SGCD: variants seen among roughly 807,000 people sequenced by gnomAD.
The protein encoded by SGCD is sarcoglycan delta.
Under a neutral mutation model 36.6 loss-of-function variants are expected in SGCD, and 18 were observed. The ratio of observed to expected loss-of-function variants is 0.49; its 90% CI spans 0.34 to 0.73. The LOEUF (loss-of-function observed/expected upper bound fraction) is 0.73. SGCD is among the 30% of genes least tolerant of loss of function. The probability of loss-of-function intolerance (pLI) is 0.01; values close to 1 mark genes in which losing one functional copy is unlikely to be tolerated. For synonymous variants in SGCD, 133 were observed against 130.6 expected (o/e 1.02, Z -0.12); for missense variants, 387 against 346.7 (o/e 1.12, Z -0.92).
intron 3 of SGCD, among the ~76,000 whole-genome samples, chr5:156,183,880 A>G (rs1274065064): frequency 1.3e-5 from 2 of 152,246 alleles, no homozygotes; most frequent in Non-Finnish European, 1.5e-5. Context: ...GCTAACTATG[A>G]AAAATCAAGA....
At chr5:156,624,197 A>G (rs1480675349) in intron 6 of SGCD, among the ~76,000 whole-genome samples, 1 of 152,078 alleles carries the variant, frequency 6.6e-6, no homozygotes, top group African/African-American at 2.4e-5. Flanking sequence ...TTAGTTCTTG[A>G]AGGATTTCAG....
chr5:156,189,524 C>A (rs1763839608), intron 3 of SGCD, among the ~76,000 whole-genome samples: 1 of 152,086 alleles, frequency 6.6e-6, no homozygotes. Context: ...TTAAGATAAT[C>A]TCTTTTGTAA....
intron 7 of SGCD, among the ~76,000 whole-genome samples, chr5:156,684,289 A>T (rs1581394769): frequency 1.3e-5 from 2 of 152,060 alleles, no homozygotes; most frequent in East Asian, 3.9e-4. Context: ...TGAGGATGCT[A>T]TGACAAGAAA....
At chr5:155,907,800 G>A (rs1486205490) in intron 1 of SGCD, among the ~76,000 whole-genome samples, 1 of 152,128 alleles carries the variant, frequency 6.6e-6, no homozygotes, top group East Asian at 1.9e-4. Flanking sequence ...ATTTAGAATG[G>A]TACAGAAACT....
rs138048366 is a variant in SGCD, at chr5:156,403,946, G to T, written c.192+59269G>T. On this transcript the variant is annotated intron_variant, in intron 3 of 8. Coordinates refer to ENST00000337851, the MANE Select transcript of SGCD (RefSeq NM_000337.6). ...CCTCCCAGGTTTAAGCAATTCTCTTGCCTCAGCTCCTCGAATAGCTGGGAT... is the reference window on the plus strand; with the variant it reads ...CCTCCCAGGTTTAAGCAATTCTCTTTCCTCAGCTCCTCGAATAGCTGGGAT... Among the ~76,000 whole-genome samples, 540 of 151,682 alleles carry T rather than the reference G, an allele frequency of 3.6e-3. 3 individuals carry two copies. The highest frequency in any genetic ancestry group is 0.014 in the Middle Eastern group (4 of 292).
At chr5:155,815,528 G>A in the SGCD span, among the ~76,000 whole-genome samples, 6 of 152,200 alleles carry the variant, frequency 3.9e-5, no homozygotes, top group Non-Finnish European at 8.8e-5. Context: ...CCTGAGACTG[G>A]ATAATTTATA....
chr5:156,283,992 T>C (rs1026633799), intron 3 of SGCD, among the ~76,000 whole-genome samples: 1 of 152,194 alleles, frequency 6.6e-6, no homozygotes, highest in South Asian at 2.1e-4. Context: ...TGTATGTACA[T>C]GGGTAACTTC....
chr5:156,544,375 T>C (rs1446057322), intron 4 of SGCD, among the ~76,000 whole-genome samples: 1 of 152,148 alleles, frequency 6.6e-6, no homozygotes, highest in East Asian at 1.9e-4. Context: ...AACTGCCAGA[T>C]TGTGAAATTT....
At chr5:155,738,785 T>G in the SGCD span, among the ~76,000 whole-genome samples, 1 of 145,266 alleles carries the variant, frequency 6.9e-6, no homozygotes, top group South Asian at 2.2e-4. Context: ...AGAATGTGTG[T>G]GAGTGTGCAT....
chr5:156,418,975 C>T (rs1393927410), intron 3 of SGCD, among the ~76,000 whole-genome samples: 2 of 152,130 alleles, frequency 1.3e-5, no homozygotes, highest in Non-Finnish European at 2.9e-5. Context: ...CATTATGGCT[C>T]TAGACATATA....
the SGCD span, among the ~76,000 whole-genome samples, chr5:155,745,165 A>C: frequency 2.6e-5 from 4 of 152,364 alleles, no homozygotes; most frequent in East Asian, 7.7e-4. Context: ...ATTTCCACAG[A>C]AAGAAATCTT....
At chr5:155,763,314 G>A in the SGCD span, among the ~76,000 whole-genome samples, 2 of 152,098 alleles carry the variant, frequency 1.3e-5, no homozygotes, top group African/African-American at 4.8e-5. Flanking sequence ...GGAGACAGAA[G>A]GTGAGAGGGC....
intron 4 of SGCD, among the ~76,000 whole-genome samples, chr5:156,537,509 G>T (rs1441541712): frequency 2.4e-5 from 2 of 84,184 alleles, no homozygotes; most frequent in African/African-American, 6.0e-5. Context: ...ACACACACAG[G>T]TATATATATA....
intron 3 of SGCD, among the ~76,000 whole-genome samples, chr5:156,136,949 C>CA (rs1762474751): frequency 1.3e-5 from 2 of 151,990 alleles, no homozygotes; most frequent in African/African-American, 4.8e-5. Context: ...ATAAAGAAAT[C>CA]AAGAAACCAC....
In SGCD at chr5:156,761,955, A is replaced by C. The variant is rs1757507472; in HGVS notation, c.*2565A>C. ...ACAGTATACAAAGTAATAAGCAGGA[A>C]ATTTGATATGGGTTAAATTATGCAT... On this transcript the variant is annotated 3_prime_UTR_variant, in exon 9 of 9. Transcript: ENST00000337851. 1 of 152,470 alleles carries C rather than the reference A, an allele frequency of 6.6e-6. No individual in the cohort carries two copies. The highest frequency in any genetic ancestry group is 6.5e-5 in the Admixed American group (1 of 15,276). The allele number at this position is 152,470 out of a possible 1,614,324, so 9.4% of individuals were successfully genotyped here. A position where few individuals can be genotyped will look rare whatever the true frequency, so the allele number is the denominator to read the frequency against.
chr5:155,842,384 AC>A, the SGCD span, among the ~76,000 whole-genome samples: 4 of 151,832 alleles, frequency 2.6e-5, no homozygotes, highest in Non-Finnish European at 5.9e-5. Flanking sequence ...ACCATCCTGA[AC>A]AACATGGTGA....
At chr5:156,275,958 A>G (rs1486371229) in intron 3 of SGCD, among the ~76,000 whole-genome samples, 1 of 152,128 alleles carries the variant, frequency 6.6e-6, no homozygotes, top group African/African-American at 2.4e-5. Context: ...TGAGACAGTC[A>G]ATCCTTAAAA....
In SGCD at chr5:155,876,398, A is replaced by T. The variant is rs562706099; in HGVS notation, c.-282+5974A>T. Among the ~76,000 whole-genome samples, 3 of 152,154 alleles carry T rather than the reference A, an allele frequency of 2.0e-5. No homozygotes were observed. The South Asian group carries it at 6.2e-4, about 32-fold the overall frequency. ...GTAAGACACTTTTTAAAAATAAAAA[A>T]TAAATGCAAAACACATTGCAAAGCA... is the stretch of plus-strand genomic sequence containing the variant. On this transcript the variant is annotated intron_variant, in intron 1 of 9. Coordinates refer to the SGCD transcript ENST00000517913.
intron 3 of SGCD, among the ~76,000 whole-genome samples, chr5:156,136,078 C>T (rs1487362568): frequency 6.6e-6 from 1 of 152,072 alleles, no homozygotes; most frequent in Non-Finnish European, 1.5e-5. Flanking sequence ...TGACATTTTT[C>T]TTCCAATACA....
Sources: allele counts gnomAD v4.1 joint callset (sites outside exome capture counted in the v4.1 genomes callset), GRCh38; gene constraint gnomAD v4.1.1; transcripts MANE v1.5; gene names NCBI Gene and HGNC (gene_info 2026-07-23, HGNC 2026-07-21).